The following ADGRL4 variants were observed in gnomAD, a reference collection of about 807,000 sequenced individuals.
ADGRL4 encodes EGF, latrophilin and seven transmembrane domain containing 1.
Under a neutral mutation model 74.8 loss-of-function variants are expected in ADGRL4, and 90 were observed. The ratio of observed to expected loss-of-function variants is 1.20; its 90% CI spans 1.02 to 1.43. The LOEUF (loss-of-function observed/expected upper bound fraction) is 1.43. ADGRL4 is among the 40% of genes most tolerant of loss of function. The probability of loss-of-function intolerance (pLI) is 0.00; values close to 1 mark genes in which losing one functional copy is unlikely to be tolerated. For missense variants in ADGRL4, 881 were observed against 814.3 expected, an observed-to-expected ratio of 1.08 and a Z score of -1.00; for synonymous variants, 311 against 279.2, an observed-to-expected ratio of 1.11 and a Z score of -1.14.
chr1:78,937,937 C>G lies in ADGRL4; in HGVS notation c.630G>C (p.Trp210Cys), dbSNP rs1395027498. 1.2e-6 allele frequency: 2 copies of G among 1,613,718 alleles called. No individual in the cohort carries two copies. Among genetic ancestry groups the G allele is most frequent in the African/African-American group, 2.7e-5 (2 of 74,998 alleles). ...TCCTATGATTCACAGATAACTTGTC[C>G]CAAACTACAAATGTATCCCTTTGAA... ...NFVQRDTFVV[W>C]DKLSVNHRRT... Residue 210 changes from tryptophan (W) to cysteine (C), a missense_variant, in exon 6 of 15, where the codon TGG (tryptophan) becomes TGC (cysteine). By Grantham distance (215) the Trp-to-Cys change is radical. Transcript: ENST00000370742.
Position 78,931,344 on chromosome 1 carries a change from G to A in ADGRL4, c.878-4253C>T, listed in dbSNP as rs532963371. 2.6e-4 allele frequency among the ~76,000 whole-genome samples: 40 copies of A among 151,498 alleles called. No homozygotes were observed. The East Asian group carries it at 6.8e-3, about 26-fold the overall frequency. On this transcript the variant is annotated intron_variant, in intron 7 of 14. Coordinates refer to ENST00000370742, the MANE Select transcript of ADGRL4 (RefSeq NM_022159.4). Reference sequence around the variant, plus strand: ...TCCAGCCAAACTAAGCTTCACAAGCGAAGGAGAAATAAAATCCTTTCTAGA... The same window carrying A: ...TCCAGCCAAACTAAGCTTCACAAGCAAAGGAGAAATAAAATCCTTTCTAGA...
intron 3 of ADGRL4, among the ~76,000 whole-genome samples, chr1:78,940,016 T>C (rs528692974): frequency 3.3e-4 from 50 of 152,290 alleles, no homozygotes; most frequent in Middle Eastern, 3.4e-3. Context: ...ATATTATTCA[T>C]GGGCCAAATT....
chr1:78,951,964 C>G (rs1023042481), intron 2 of ADGRL4, among the ~76,000 whole-genome samples: 1 of 152,064 alleles, frequency 6.6e-6, no homozygotes, highest in African/African-American at 2.4e-5. Flanking sequence ...ATGTTATCTT[C>G]TTTGTATAAT....
intron 12 of ADGRL4, among the ~76,000 whole-genome samples, chr1:78,899,610 C>G (rs943197544): frequency 6.6e-6 from 1 of 152,196 alleles, no homozygotes; most frequent in Admixed American, 6.5e-5. Flanking sequence ...CCACCTAGGT[C>G]TCCCAAAGTG....
intron 2 of ADGRL4, among the ~76,000 whole-genome samples, chr1:78,992,292 T>C (rs894115550): frequency 6.6e-6 from 1 of 152,048 alleles, no homozygotes; most frequent in African/African-American, 2.4e-5. Context: ...AGAGAATCTA[T>C]GAAACTGTAC....
chr1:78,920,076 C>T (rs12032838), intron 10 of ADGRL4, 107 bp downstream of exon 10: 225,690 of 783,832 alleles, frequency 0.29, 33,217 homozygotes, highest in Middle Eastern at 0.32. Flanking sequence ...TTATAGAGAA[C>T]GTCTGCCCCA....
intron 12 of ADGRL4, among the ~76,000 whole-genome samples, chr1:78,894,954 A>G (rs1229386448): frequency 6.6e-6 from 1 of 152,012 alleles, no homozygotes; most frequent in Admixed American, 6.6e-5. Context: ...AGAAGTTCAC[A>G]TTCATTTTGG....
At chr1:78,990,031 A>G (rs974610208) in intron 2 of ADGRL4, among the ~76,000 whole-genome samples, 7 of 151,904 alleles carry the variant, frequency 4.6e-5, no homozygotes, top group African/African-American at 1.4e-4. Flanking sequence ...GGATATTTTC[A>G]TCAGGTTTTG....
intron 2 of ADGRL4, among the ~76,000 whole-genome samples, chr1:78,949,700 T>G (rs1649682992): frequency 6.6e-6 from 1 of 152,166 alleles, no homozygotes; most frequent in Non-Finnish European, 1.5e-5. Flanking sequence ...AAAGTCTGCT[T>G]CTTGGGCACT....
At chr1:78,927,558 G>T (rs1649144838) in intron 7 of ADGRL4, among the ~76,000 whole-genome samples, 1 of 152,048 alleles carries the variant, frequency 6.6e-6, no homozygotes, top group African/African-American at 2.4e-5. Flanking sequence ...TCAAATGTAT[G>T]CCCACTAAAA....
intron 2 of ADGRL4, among the ~76,000 whole-genome samples, chr1:78,953,160 G>C (rs896401760): frequency 6.6e-6 from 1 of 152,124 alleles, no homozygotes; most frequent in Non-Finnish European, 1.5e-5. Flanking sequence ...TTGACCATTG[G>C]AGATATGGAA....
chr1:78,985,232 C>A (rs542460281), intron 2 of ADGRL4, among the ~76,000 whole-genome samples: 1 of 151,782 alleles, frequency 6.6e-6, no homozygotes, highest in South Asian at 2.1e-4. Context: ...TTTCTCTCAT[C>A]TATTCTCTAA....
intron 2 of ADGRL4, among the ~76,000 whole-genome samples, chr1:78,949,884 T>A (rs1649685975): frequency 6.6e-6 from 1 of 152,162 alleles, no homozygotes; most frequent in South Asian, 2.1e-4. Context: ...AATGTTTTAA[T>A]AAGGAAAAAT....
At chr1:78,990,081 T>A (rs1056187137) in intron 2 of ADGRL4, among the ~76,000 whole-genome samples, 1 of 151,920 alleles carries the variant, frequency 6.6e-6, no homozygotes, top group Non-Finnish European at 1.5e-5. Context: ...CATTTCTGAA[T>A]CAAAAAAGCT....
chr1:78,918,798 G>A (rs1237059331), intron 10 of ADGRL4, among the ~76,000 whole-genome samples: 2 of 151,830 alleles, frequency 1.3e-5, no homozygotes, highest in African/African-American at 2.4e-5. Context: ...TTAATGAGAT[G>A]ACATAGTAAA....
At chr1:78,910,322 G>C (rs1490625905) in intron 12 of ADGRL4, among the ~76,000 whole-genome samples, 3 of 151,802 alleles carry the variant, frequency 2.0e-5, no homozygotes, top group African/African-American at 7.2e-5. Flanking sequence ...AAGGGAATTA[G>C]ATTGTAGACA....
At chr1:78,955,901 C>G (rs918459215) in intron 2 of ADGRL4, among the ~76,000 whole-genome samples, 1 of 152,084 alleles carries the variant, frequency 6.6e-6, no homozygotes, top group Non-Finnish European at 1.5e-5. Flanking sequence ...AAAAAACTAT[C>G]TAATCTATAC....
At chr1:78,998,881 G>A (rs77769977) in intron 2 of ADGRL4, among the ~76,000 whole-genome samples, 89 of 152,108 alleles carry the variant, frequency 5.9e-4, no homozygotes, top group African/African-American at 2.0e-3. Context: ...CTATAAATTG[G>A]GGATAACACC....
chr1:78,971,702 A>G (rs1010959953), intron 2 of ADGRL4, among the ~76,000 whole-genome samples: 5 of 152,190 alleles, frequency 3.3e-5, no homozygotes, highest in Admixed American at 3.3e-4. Flanking sequence ...ACTTGTTCAG[A>G]TTTAGTTTCC....
Sources: allele counts gnomAD v4.1 joint callset (sites outside exome capture counted in the v4.1 genomes callset), GRCh38; gene constraint gnomAD v4.1.1; transcripts MANE v1.5; gene names NCBI Gene and HGNC (gene_info 2026-07-23, HGNC 2026-07-21).